PAQR3: variants seen among roughly 807,000 people sequenced by gnomAD.
PAQR3 encodes the protein Raf kinase trapping to Golgi.
A neutral mutation model predicts 41.7 loss-of-function variants in PAQR3; 39 were observed. The observed-to-expected ratio is 0.93, with a 90% confidence interval of 0.72 to 1.22. The LOEUF is 1.22. PAQR3 is among the 50% of genes most tolerant of loss of function. The probability of loss-of-function intolerance (pLI) is 0.00; values close to 1 mark genes in which losing one functional copy is unlikely to be tolerated. For missense variants in PAQR3, 366 were observed against 385.6 expected, an observed-to-expected ratio of 0.95 and a Z score of 0.42; for synonymous variants, 140 against 140.6, an observed-to-expected ratio of 1.00 and a Z score of 0.03.
Position 78,935,229 on chromosome 4 carries a change from G to A in PAQR3, c.240C>T (p.Phe80=), listed in dbSNP as rs1560585108. The change falls in exon 2 of 6, where the codon TTC becomes TTT. Residue 80 remains phenylalanine (F), a synonymous_variant. Coordinates refer to ENST00000512733, the MANE Select transcript of PAQR3 (RefSeq NM_001040202.2). The stretch of plus-strand genomic sequence containing the variant: ...ATATTCCCAGGGTGAAGAAGAGAAA[G>A]AAACCCAGCAAATGACTCCAGATGT... The part of the protein sequence containing the change: ...TVNIWSHLLG[F]FLFFTLGIYD... 4 of 1,613,716 alleles carry A rather than the reference G, an allele frequency of 2.5e-6. No individual in the cohort carries two copies. The South Asian group carries it at 4.4e-5, about 18-fold the overall frequency.
At chr4:78,934,815 G>C (rs1394474206) in intron 2 of PAQR3, among the ~76,000 whole-genome samples, 2 of 152,184 alleles carry the variant, frequency 1.3e-5, no homozygotes, top group Non-Finnish European at 1.5e-5. Flanking sequence ...CACTAGTGTT[G>C]TACTTCAGCC....
downstream of PAQR3, among the ~76,000 whole-genome samples, chr4:78,908,722 C>T (rs1734411528): frequency 6.6e-6 from 1 of 152,182 alleles, no homozygotes; most frequent in African/African-American, 2.4e-5. Context: ...TACTCCTCTT[C>T]ACTTTCCAAC....
downstream of PAQR3, among the ~76,000 whole-genome samples, chr4:78,907,073 G>A (rs17003498): frequency 9.1e-3 from 1,389 of 152,060 alleles, 27 homozygotes; most frequent in African/African-American, 0.032. Context: ...CTAAAATGCC[G>A]AAAAACTAGA....
chr4:78,937,417 T>C (rs891127363), intron 1 of PAQR3, among the ~76,000 whole-genome samples: 1 of 152,250 alleles, frequency 6.6e-6, no homozygotes, highest in Non-Finnish European at 1.5e-5. Context: ...CTTTCGAACC[T>C]GGTGCCATCC....
intron 5 of PAQR3, chr4:78,922,452 G>T: frequency 1.6e-6 from 2 of 1,286,720 alleles, no homozygotes; most frequent in Non-Finnish European, 2.0e-6. Flanking sequence ...GGATAAATTT[G>T]CAGTTTAGAT....
intron 10 of PAQR3, among the ~76,000 whole-genome samples, chr4:78,906,573 G>A (rs1367131169): frequency 2.6e-5 from 4 of 152,094 alleles, no homozygotes; most frequent in Admixed American, 1.3e-4. Flanking sequence ...GATCTAAAAT[G>A]TACCCTTATG....
chr4:78,919,321 T>C lies in PAQR3; in HGVS notation c.*1218A>G. Reference sequence around the variant, plus strand: ...TACTCCAATAAACAATGTAAGTTTTTATGAATGTCTACTTTAAGGGATTTA... The same window carrying C: ...TACTCCAATAAACAATGTAAGTTTTCATGAATGTCTACTTTAAGGGATTTA... On this transcript the variant is annotated 3_prime_UTR_variant, in exon 6 of 6. Coordinates refer to ENST00000512733, the MANE Select transcript of PAQR3 (RefSeq NM_001040202.2). 1 of 983,678 alleles carries C rather than the reference T, an allele frequency of 1.0e-6. No homozygotes were observed. Among genetic ancestry groups the C allele is most frequent in the Non-Finnish European group, 1.2e-6 (1 of 828,428 alleles). 60.9% of individuals were successfully genotyped at this position (983,678 alleles called of 1,614,324 possible). A position where few individuals can be genotyped will look rare whatever the true frequency, so the allele number is the denominator to read the frequency against.
intron 11 of PAQR3, among the ~76,000 whole-genome samples, chr4:78,892,020 G>A (rs1211537526): frequency 6.6e-6 from 1 of 152,118 alleles, no homozygotes; most frequent in Non-Finnish European, 1.5e-5. Flanking sequence ...GTCTTTAAAA[G>A]GATGTTTTAT....
At position 78,915,307 on chromosome 4, in the gene PAQR3, C is replaced by G. The variant is rs1332585128; in HGVS notation, c.*5232G>C. The G allele has an allele frequency of 6.6e-6, 1 of 151,958 alleles. No individual in the cohort carries two copies. Among genetic ancestry groups the G allele is most frequent in the Non-Finnish European group, 1.5e-5 (1 of 67,918 alleles). 9.4% of individuals were successfully genotyped at this position (151,958 alleles called of 1,614,324 possible). ...CTATGCTGAAGTTCACCAGGCAGAG[C>G]AGTTTTCTTACAAGTCAGCTACTCT... On this transcript the variant is annotated 3_prime_UTR_variant, in exon 6 of 6. Coordinates refer to ENST00000512733, the MANE Select transcript of PAQR3 (RefSeq NM_001040202.2).
At position 78,939,371 on chromosome 4, in the gene PAQR3, G is replaced by A. The variant is rs895640356; in HGVS notation, c.-147C>T. 6.8e-6 allele frequency: 4 copies of A among 586,176 alleles called. No homozygotes were observed. The highest frequency in any genetic ancestry group is 9.8e-6 in the Non-Finnish European group (4 of 408,774). The allele number at this position is 586,176 out of a possible 1,614,324, so 36.3% of individuals were successfully genotyped here. On this transcript the variant is annotated 5_prime_UTR_variant, in exon 1 of 6. Coordinates refer to ENST00000512733, the MANE Select transcript of PAQR3 (RefSeq NM_001040202.2). Reference sequence around the variant, plus strand: ...GCGCTGCCGCTGCTGCCCAGGGCCCGGCTCTGCGCTCACACCGGCCACTGC... The same window carrying A: ...GCGCTGCCGCTGCTGCCCAGGGCCCAGCTCTGCGCTCACACCGGCCACTGC...
rs1641893170 is a variant in PAQR3 at position 78,919,673 on chromosome 4, G to A, written c.*866C>T. On this transcript the variant is annotated 3_prime_UTR_variant, in exon 6 of 6. Coordinates refer to ENST00000512733, the MANE Select transcript of PAQR3 (RefSeq NM_001040202.2). ...ACAATGCTGGGAACCCCCACCACTGGGATATTCAGGACTACAAATTCAGAG... is the reference window on the plus strand; with the variant it reads ...ACAATGCTGGGAACCCCCACCACTGAGATATTCAGGACTACAAATTCAGAG... The A allele has an allele frequency of 1.0e-6, 1 of 985,008 alleles. No homozygotes were observed. Among genetic ancestry groups the A allele is most frequent in the Non-Finnish European group, 1.2e-6 (1 of 829,742 alleles). The allele number at this position is 985,008 out of a possible 1,614,324, so 61.0% of individuals were successfully genotyped here. A position where few individuals can be genotyped will look rare whatever the true frequency, so the allele number is the denominator to read the frequency against.
chr4:78,927,472 G>C lies in PAQR3; in HGVS notation c.505-754C>G, dbSNP rs142486454. Among the ~76,000 whole-genome samples, 348 of 152,348 alleles carry C rather than the reference G, an allele frequency of 2.3e-3. 5 individuals carry two copies. The highest frequency in any genetic ancestry group is 7.9e-3 in the African/African-American group (328 of 41,566). ...TAGTTTATTCAAAGAGAGAGTGGGG[G>C]CTTGGACTCCTGTTGAATAAAGTAG... is the stretch of plus-strand genomic sequence containing the variant. On this transcript the variant is annotated intron_variant, in intron 3 of 5. Coordinates refer to ENST00000512733, the MANE Select transcript of PAQR3 (RefSeq NM_001040202.2).
intron 11 of PAQR3, among the ~76,000 whole-genome samples, chr4:78,903,487 C>T (rs937379492): frequency 1.3e-5 from 2 of 151,884 alleles, no homozygotes; most frequent in Non-Finnish European, 2.9e-5. Flanking sequence ...ACACCCCCAC[C>T]CAATATTTAG....
chr4:78,934,064 CAG>C (rs1184038462), intron 2 of PAQR3, among the ~76,000 whole-genome samples: 10 of 152,036 alleles, frequency 6.6e-5, no homozygotes, highest in Non-Finnish European at 1.2e-4. Flanking sequence ...TGGCTGTAAT[CAG>C]GGCAAAAATT....
rs1560568707 is a variant in PAQR3, at chr4:78,918,774, C to CT, written c.*1764dup. The stretch of plus-strand genomic sequence containing the variant: ...ATAATGATTTTCCCCTCATTTTTAA[C>CT]TTAAGTGTAACTACTCAGTGTCTTT... On this transcript the variant is annotated 3_prime_UTR_variant, in exon 6 of 6. Transcript: ENST00000512733. 1.0e-6 allele frequency: 1 copy of CT among 983,958 alleles called. No homozygotes were observed. Among genetic ancestry groups the CT allele is most frequent in the African/African-American group, 1.8e-5 (1 of 57,142 alleles). The allele number at this position is 983,958 out of a possible 1,614,324, so 61.0% of individuals were successfully genotyped here. A position where few individuals can be genotyped will look rare whatever the true frequency, so the allele number is the denominator to read the frequency against.
In PAQR3 at chr4:78,887,183, A is replaced by C. The variant is rs1367434900; in HGVS notation, c.*1051T>G. The stretch of plus-strand genomic sequence containing the variant: ...CATCTTATTTTTGCAGATAGGCTCG[A>C]GGAGAGAGCATCCTCAGATAAGAAT... On this transcript the variant is annotated 3_prime_UTR_variant and NMD_transcript_variant, in exon 13 of 13. Transcript: ENST00000342820. 3 of 1,604,184 alleles carry C rather than the reference A, an allele frequency of 1.9e-6. No homozygotes were observed. In the Admixed American group the frequency reaches 5.1e-5, roughly 27 times the overall value.
At chr4:78,928,271 T>C (rs1736453599) in intron 3 of PAQR3, among the ~76,000 whole-genome samples, 1 of 152,206 alleles carries the variant, frequency 6.6e-6, no homozygotes, top group Non-Finnish European at 1.5e-5. Context: ...TTTTTAAAGA[T>C]ATAAACAGTT....
At chr4:78,937,116 A>G (rs1737508555) in intron 1 of PAQR3, among the ~76,000 whole-genome samples, 1 of 152,222 alleles carries the variant, frequency 6.6e-6, no homozygotes, top group Non-Finnish European at 1.5e-5. Flanking sequence ...TACAATTCCA[A>G]GCACGGCCAA....
chr4:78,923,034 CAA>C lies in PAQR3; in HGVS notation c.793+821_793+822del, dbSNP rs1403908281. 6.6e-6 allele frequency: 3 copies of C among 453,438 alleles called. No individual in the cohort carries two copies. The Admixed American group carries it at 7.1e-5, about 11-fold the overall frequency. 28.1% of individuals were successfully genotyped at this position (453,438 alleles called of 1,614,324 possible). On this transcript the variant is annotated intron_variant, in intron 5 of 5. Transcript: ENST00000512733. ...TATTGGCTTGTGTATCTTGGAAACA[CAA>C]AGACTCTTAACTTTCACTATTTTCT...
Sources: gnomAD v4.1 joint callset for allele counts (sites outside exome capture counted in the v4.1 genomes callset) on GRCh38, gnomAD v4.1.1 for gene constraint, MANE v1.5 for transcripts, NCBI Gene and HGNC (gene_info 2026-07-23, HGNC 2026-07-21) for gene names.